The following OST4 variants were observed in gnomAD, a reference collection of about 807,000 sequenced individuals.
OST4 encodes the protein dolichyl-diphosphooligosaccharide--protein glycosyltransferase subunit 4.
OST4 carries 3 observed loss-of-function variants against 2.1 expected under a neutral mutation model. The ratio of observed to expected loss-of-function variants is 1.42; its 90% CI spans 0.65 to 3.67. The LOEUF (loss-of-function observed/expected upper bound fraction) is 3.67, where lower values mean the gene tolerates loss of function less well. OST4 is among the 30% of genes most tolerant of loss of function. The probability of loss-of-function intolerance (pLI) is 0.03; values close to 1 mark genes in which losing one functional copy is unlikely to be tolerated. For missense variants in OST4, 52 were observed against 47.1 expected (o/e 1.10, Z -0.30); for synonymous variants, 23 against 21.6 (o/e 1.06, Z -0.18).
Position 27,071,616 on chromosome 2 carries a change from C to T in OST4, c.-17G>A, listed in dbSNP as rs1004717756. Reference sequence around the variant, plus strand: ...TGCCTCTGACCTGACCAGTCCGGCTCGGCTCCGACGCCACCAGCGAACAAG... The same window carrying T: ...TGCCTCTGACCTGACCAGTCCGGCTTGGCTCCGACGCCACCAGCGAACAAG... On this transcript the variant is annotated 5_prime_UTR_variant, in exon 1 of 3. Transcript: ENST00000456793. The T allele has an allele frequency of 7.4e-6, 4 of 543,902 alleles. No homozygotes were observed. The highest frequency in any genetic ancestry group is 3.9e-5 in the African/African-American group (2 of 50,742). 33.7% of individuals were successfully genotyped at this position (543,902 alleles called of 1,614,324 possible).
At position 27,070,518 on chromosome 2, in the gene OST4, G is replaced by A; in HGVS notation, c.*227C>T. 2.1e-6 allele frequency: 1 copy of A among 470,146 alleles called. No individual in the cohort carries two copies. The highest frequency in any genetic ancestry group is 3.3e-5 in the South Asian group (1 of 30,712). The allele number at this position is 470,146 out of a possible 1,614,324, so 29.1% of individuals were successfully genotyped here. On this transcript the variant is annotated 3_prime_UTR_variant, in exon 3 of 3. Coordinates refer to ENST00000456793, the MANE Select transcript of OST4 (RefSeq NM_001134693.2). ...TCTATATTTTTATATTGGGGGGAGG[G>A]AGTAGAAAAGCAAGCCCCTATACTG...
At position 27,070,496 on chromosome 2, in the gene OST4, AT is replaced by A. The variant is rs780672862; in HGVS notation, c.*248del. The A allele has an allele frequency of 1.8e-4, 90 of 500,892 alleles. No homozygotes were observed. The highest frequency in any genetic ancestry group is 3.0e-4 in the Admixed American group (9 of 30,434). The allele number at this position is 500,892 out of a possible 1,614,324, so 31.0% of individuals were successfully genotyped here. A position where few individuals can be genotyped will look rare whatever the true frequency, so the allele number is the denominator to read the frequency against. On this transcript the variant is annotated 3_prime_UTR_variant, in exon 3 of 3. Coordinates refer to ENST00000456793, the MANE Select transcript of OST4 (RefSeq NM_001134693.2). ...ATTTTGGGACCACAAAAAAAAGTCTATATTTTTATATTGGGGGGAGGGAGTA... is the reference window on the plus strand; with the variant it reads ...ATTTTGGGACCACAAAAAAAAGTCTAATTTTTATATTGGGGGGAGGGAGTA...
In OST4 at chr2:27,070,501, T is replaced by G. The variant is rs1220573378; in HGVS notation, c.*244A>C. ...GGGACCACAAAAAAAAGTCTATATTTTTATATTGGGGGGAGGGAGTAGAAA... is the reference window on the plus strand; with the variant it reads ...GGGACCACAAAAAAAAGTCTATATTGTTATATTGGGGGGAGGGAGTAGAAA... On this transcript the variant is annotated 3_prime_UTR_variant, in exon 3 of 3. Coordinates refer to ENST00000456793, the MANE Select transcript of OST4 (RefSeq NM_001134693.2). The G allele has an allele frequency of 6.0e-6, 3 of 496,828 alleles. No homozygotes were observed. Among genetic ancestry groups the G allele is most frequent in the Non-Finnish European group, 1.1e-5 (3 of 278,422 alleles). The allele number at this position is 496,828 out of a possible 1,614,324, so 30.8% of individuals were successfully genotyped here. A position where few individuals can be genotyped will look rare whatever the true frequency, so the allele number is the denominator to read the frequency against.
At position 27,071,329 on chromosome 2, in the gene OST4, G is replaced by A; in HGVS notation, c.*20C>T. ...CGCTACAGCCCCGGGCCGTTACCTG[G>A]GGCGGAGAAAGCGCCACTTTCATTC... On this transcript the variant is annotated 3_prime_UTR_variant, in exon 2 of 3. Transcript: ENST00000456793. The A allele has an allele frequency of 1.3e-6, 2 of 1,542,280 alleles. No homozygotes were observed. Among genetic ancestry groups the A allele is most frequent in the Non-Finnish European group, 8.8e-7 (1 of 1,138,586 alleles).
intron 2 of OST4, 87 bp downstream of exon 2, chr2:27,071,239 C>G: frequency 1.2e-6 from 1 of 802,490 alleles, no homozygotes; most frequent in Non-Finnish European, 2.1e-6. Context: ...CCGACACTTT[C>G]TGATTGTAAG....
rs1254657630 is a variant in OST4, at chr2:27,071,318, G to A, written c.*23+8C>T. On this transcript the variant is annotated splice_region_variant and intron_variant, in intron 2 of 2. Coordinates refer to ENST00000456793, the MANE Select transcript of OST4 (RefSeq NM_001134693.2). ...TGGGGACTGGGCGCTACAGCCCCGG[G>A]CCGTTACCTGGGGCGGAGAAAGCGC... The A allele has an allele frequency of 6.6e-7, 1 of 1,524,898 alleles. No individual in the cohort carries two copies. The highest frequency in any genetic ancestry group is 8.9e-7 in the Non-Finnish European group (1 of 1,123,052). The allele number at this position is 1,524,898 out of a possible 1,614,324, so 94.5% of individuals were successfully genotyped here. A position where few individuals can be genotyped will look rare whatever the true frequency, so the allele number is the denominator to read the frequency against.
At position 27,071,459 on chromosome 2, in the gene OST4, T is replaced by C. The variant is rs1669269833; in HGVS notation, c.4A>G (p.Ile2Val). The change falls in exon 2 of 3, where the codon ATC becomes GTC. Residue 2 changes from isoleucine (I) to valine (V), a missense_variant. Coordinates refer to ENST00000456793, the MANE Select transcript of OST4 (RefSeq NM_001134693.2). ...AAGATGGCGAGCTGCACGTCCGTGA[T>C]CATCCTGCGGAGAAGAGAGGGGCTG... M[I>V]TDVQLAIFAN... 3.2e-6 allele frequency: 5 copies of C among 1,551,040 alleles called. No individual in the cohort carries two copies. The highest frequency in any genetic ancestry group is 2.7e-5 in the African/African-American group (2 of 73,166).
At chr2:27,071,289 G>T in intron 2 of OST4, 37 bp downstream of exon 2, 1 of 1,387,086 alleles carries the variant, frequency 7.2e-7, no homozygotes. Context: ...TCGCCACTCA[G>T]CTCTGGGGAC....
intron 1 of OST4, 60 bp from the exon 2 acceptor site, chr2:27,071,523 C>A: frequency 7.1e-7 from 1 of 1,401,674 alleles, no homozygotes; most frequent in Non-Finnish European, 9.8e-7. Flanking sequence ...CGCAAGAACC[C>A]GTCCTCGCCC....
chr2:27,071,285 C>T, intron 2 of OST4, 41 bp downstream of exon 2: 1 of 1,363,952 alleles, frequency 7.3e-7, no homozygotes. Flanking sequence ...GGCCTCGCCA[C>T]TCAGCTCTGG....
intron 2 of OST4, among the ~76,000 whole-genome samples, 165 bp downstream of exon 2, chr2:27,071,160 AG>A (rs1295581689): frequency 5.9e-5 from 9 of 152,282 alleles, no homozygotes; most frequent in African/African-American, 1.7e-4. Flanking sequence ...TTACGGGGAG[AG>A]GACAGCGCGC....
chr2:27,070,555 G>C lies in OST4; in HGVS notation c.*190C>G, dbSNP rs1473098454. 5 of 335,302 alleles carry C rather than the reference G, an allele frequency of 1.5e-5. No homozygotes were observed. The highest frequency in any genetic ancestry group is 6.9e-5 in the South Asian group (1 of 14,592). The allele number at this position is 335,302 out of a possible 1,614,324, so 20.8% of individuals were successfully genotyped here. A position where few individuals can be genotyped will look rare whatever the true frequency, so the allele number is the denominator to read the frequency against. On this transcript the variant is annotated 3_prime_UTR_variant, in exon 3 of 3. Transcript: ENST00000456793. ...AAGCCCCTATACTGGGCCCTATTCA[G>C]TGGCAGCTTCTTGTTCCATAGGATT...
intron 1 of OST4, 23 bp from the exon 2 acceptor site, chr2:27,071,486 G>A: frequency 1.3e-6 from 2 of 1,535,458 alleles, no homozygotes; most frequent in Non-Finnish European, 8.8e-7. Context: ...GAGGGGCTGA[G>A]CTGCGGGCTG....
chr2:27,071,023 G>A (rs1045661165), intron 2 of OST4, among the ~76,000 whole-genome samples: 3 of 152,214 alleles, frequency 2.0e-5, no homozygotes, highest in Admixed American at 2.0e-4. Flanking sequence ...ATACTTGGAT[G>A]GTTCCCTCGG....
intron 2 of OST4, 143 bp downstream of exon 2, chr2:27,071,183 T>C: frequency 1.7e-6 from 1 of 598,136 alleles, no homozygotes. Flanking sequence ...CTCTCTCTAC[T>C]CTGTGCAGAC....
chr2:27,070,495 T>A lies in OST4; in HGVS notation c.*250A>T, dbSNP rs1323363024. On this transcript the variant is annotated 3_prime_UTR_variant, in exon 3 of 3. Coordinates refer to ENST00000456793, the MANE Select transcript of OST4 (RefSeq NM_001134693.2). ...GATTTTGGGACCACAAAAAAAAGTC[T>A]ATATTTTTATATTGGGGGGAGGGAG... 2.0e-6 allele frequency: 1 copy of A among 500,304 alleles called. No homozygotes were observed. The highest frequency in any genetic ancestry group is 3.6e-6 in the Non-Finnish European group (1 of 280,714). The allele number at this position is 500,304 out of a possible 1,614,324, so 31.0% of individuals were successfully genotyped here.
rs1223937298 is a variant in OST4 at position 27,070,586 on chromosome 2, A to G, written c.*159T>C. 1 of 262,632 alleles carries G rather than the reference A, an allele frequency of 3.8e-6. No individual in the cohort carries two copies. The highest frequency in any genetic ancestry group is 7.3e-6 in the Non-Finnish European group (1 of 137,172). 16.3% of individuals were successfully genotyped at this position (262,632 alleles called of 1,614,324 possible). ...GCTTCTTGTTCCATAGGATTAAGGA[A>G]GACTCTGAGGAAATAAAAGTTGTTT... On this transcript the variant is annotated 3_prime_UTR_variant, in exon 3 of 3. Coordinates refer to ENST00000456793, the MANE Select transcript of OST4 (RefSeq NM_001134693.2).
chr2:27,071,243 T>G, intron 2 of OST4, 83 bp downstream of exon 2: 3 of 812,512 alleles, frequency 3.7e-6, no homozygotes, highest in Non-Finnish European at 4.0e-6. Context: ...CACTTTCTGA[T>G]TGTAAGTTTC....
At chr2:27,071,300 T>TG (rs1558428709) in intron 2 of OST4, 26 bp downstream of exon 2, 3 of 1,456,750 alleles carry the variant, frequency 2.1e-6, no homozygotes, top group South Asian at 1.2e-5. Flanking sequence ...CTCTGGGGAC[T>TG]GGGCGCTACA....
Sources: allele counts gnomAD v4.1 joint callset (sites outside exome capture counted in the v4.1 genomes callset), GRCh38; gene constraint gnomAD v4.1.1; transcripts MANE v1.5; gene names NCBI Gene and HGNC (gene_info 2026-07-23, HGNC 2026-07-21).